Variants in PTPRU observed in about 807,000 individuals in gnomAD.
PTPRU encodes receptor-type tyrosine-protein phosphatase U.
In PTPRU, 69 loss-of-function variants were observed where a neutral mutation model predicts 166.3. The observed-to-expected ratio is 0.41, with a 90% CI of 0.34 to 0.51. The LOEUF (loss-of-function observed/expected upper bound fraction) is 0.51. Among genes scored for constraint, PTPRU ranks in the 20% least tolerant of loss-of-function variants. The pLI is 0.09. For missense variants in PTPRU, 1,657 were observed against 2,013.7 expected (o/e 0.82, Z 3.39); for synonymous variants, 793 against 814.0 (o/e 0.97, Z 0.44).
At position 29,280,717 on chromosome 1, in the gene PTPRU, A is replaced by G. The variant is rs940032286; in HGVS notation, c.1868+576A>G. 6.6e-6 allele frequency among the ~76,000 whole-genome samples: 1 copy of G among 151,690 alleles called. No homozygotes were observed. The highest frequency in any genetic ancestry group is 2.4e-5 in the African/African-American group (1 of 41,256). On this transcript the variant is annotated intron_variant, in intron 11 of 29. Coordinates refer to ENST00000373779, the MANE Select transcript of PTPRU (RefSeq NM_133178.4). The surrounding 1 kb of genome is among the most constrained non-coding windows in gnomAD (Gnocchi z 4.2). ...GAAACTGGGTGTGTCTTTGTGATAA[A>G]GACATGGGATGTGTGGTGTGAGTGT...
At chr1:29,298,783 A>G (rs1302223140) in intron 15 of PTPRU, among the ~76,000 whole-genome samples, 1 of 152,136 alleles carries the variant, frequency 6.6e-6, no homozygotes, top group Admixed American at 6.5e-5. Context: ...CTGGGTTTGA[A>G]TCCTAGTGCT....
At chr1:29,296,552 A>G (rs1574683407) in intron 15 of PTPRU, among the ~76,000 whole-genome samples, 1 of 143,622 alleles carries the variant, frequency 7.0e-6, no homozygotes, top group African/African-American at 2.6e-5. Context: ...CCTGTTGCCC[A>G]GGCTGGACTA....
intron 7 of PTPRU, 146 bp from the exon 8 acceptor site, chr1:29,275,302 G>A: frequency 1.2e-6 from 1 of 842,490 alleles, no homozygotes; most frequent in Non-Finnish European, 1.8e-6. Flanking sequence ...TTTACTCCCT[G>A]TTTGATGTTC....
At chr1:29,266,042 C>T (rs1267498596) in intron 7 of PTPRU, among the ~76,000 whole-genome samples, 9 of 63,826 alleles carry the variant, frequency 1.4e-4, no homozygotes, top group African/African-American at 2.8e-4. Flanking sequence ...TTTTTTGATA[C>T]GGAGTTTCAC....
At chr1:29,255,092 G>A (rs756892387) in intron 1 of PTPRU, among the ~76,000 whole-genome samples, 183 bp from the exon 2 acceptor site, 1 of 152,094 alleles carries the variant, frequency 6.6e-6, no homozygotes, top group African/African-American at 2.4e-5. Context: ...GGGGACCTTG[G>A]TAGAGGGAGA....
intron 1 of PTPRU, among the ~76,000 whole-genome samples, chr1:29,242,890 C>G (rs1311403338): frequency 6.6e-6 from 1 of 151,890 alleles, no homozygotes; most frequent in East Asian, 1.9e-4. Flanking sequence ...CCTGCCATCA[C>G]GCTCTCGGTT....
chr1:29,259,594 GCGGGGTGGGA>G lies in PTPRU; in HGVS notation c.675+31_675+40del. 4.5e-6 allele frequency: 7 copies of G among 1,540,120 alleles called. No homozygotes were observed. The Admixed American group carries it at 7.2e-5, about 16-fold the overall frequency. ...GCGGGAGCGGTGATCTTGGCTGGGGGCGGGGTGGGAGGGGGTTGGTGGCTGCTTCTGGCCC... is the reference window on the plus strand; with the variant it reads ...GCGGGAGCGGTGATCTTGGCTGGGGGGGGGGTTGGTGGCTGCTTCTGGCCC... On this transcript the variant is annotated intron_variant, in intron 5 of 29. Coordinates refer to ENST00000373779, the MANE Select transcript of PTPRU (RefSeq NM_133178.4).
At chr1:29,239,574 T>A (rs1438768088) in intron 1 of PTPRU, among the ~76,000 whole-genome samples, 2 of 152,144 alleles carry the variant, frequency 1.3e-5, no homozygotes, top group Non-Finnish European at 2.9e-5. Context: ...TCGTGCTTGA[T>A]GGAGACAGGC....
In PTPRU at chr1:29,275,431, C is replaced by G. The variant is rs550864741; in HGVS notation, c.1145-17C>G. On this transcript the variant is annotated splice_polypyrimidine_tract_variant and intron_variant, in intron 7 of 29. Coordinates refer to ENST00000373779, the MANE Select transcript of PTPRU (RefSeq NM_133178.4). The stretch of plus-strand genomic sequence containing the variant: ...CATTTCTTCTAACTTCTTCTCTCTG[C>G]TTCCTGCATTCTCCAGAGCCCATGA... 10 of 1,594,330 alleles carry G rather than the reference C, an allele frequency of 6.3e-6. No homozygotes were observed. In the African/African-American group the frequency reaches 1.3e-4, roughly 21 times the overall value.
At chr1:29,310,301 C>T (rs1023056075) in intron 18 of PTPRU, among the ~76,000 whole-genome samples, 7 of 152,078 alleles carry the variant, frequency 4.6e-5, no homozygotes, top group African/African-American at 1.4e-4. Context: ...CTGGTTATCC[C>T]AAGTGTGGGG....
intron 1 of PTPRU, among the ~76,000 whole-genome samples, chr1:29,243,187 G>A (rs993209733): frequency 6.6e-6 from 1 of 152,210 alleles, no homozygotes; most frequent in Admixed American, 6.5e-5. Flanking sequence ...ATGAGCCCCC[G>A]GGCCCGGCCC....
chr1:29,282,744 G>A lies in PTPRU; in HGVS notation c.1937G>A (p.Cys646Tyr). 1 of 1,613,952 alleles carries A rather than the reference G, an allele frequency of 6.2e-7. No homozygotes were observed. Among genetic ancestry groups the A allele is most frequent in the South Asian group, 1.1e-5 (1 of 91,074 alleles). Residue 646 changes from cysteine (C) to tyrosine (Y), a missense_variant, in exon 12 of 30, where the codon TGC (cysteine) becomes TAC (tyrosine). Around this residue, in one of 3 missense-constraint regions of PTPRU, gnomAD observed 1,190 missense variants for 1,477.4 expected, o/e 0.81. Transcript: ENST00000373779. Reference sequence around the variant, plus strand: ...CGGCGGGAGCCAGGTGGACAGGACTGCTTCCCAGTGCCATTGACCTTCGAG... The same window carrying A: ...CGGCGGGAGCCAGGTGGACAGGACTACTTCCCAGTGCCATTGACCTTCGAG... ...RLRREPGGQD[C>Y]FPVPLTFEAA... is the part of the protein sequence containing the mutation.
intron 1 of PTPRU, among the ~76,000 whole-genome samples, chr1:29,242,393 G>A (rs1052291665): frequency 1.3e-5 from 2 of 152,148 alleles, no homozygotes; most frequent in African/African-American, 4.8e-5. Flanking sequence ...AGAAGCCTTG[G>A]AAGGGGCCCC....
At position 29,315,236 on chromosome 1, in the gene PTPRU, C is replaced by T. The variant is rs774310081; in HGVS notation, c.3228-136C>T. The T allele has an allele frequency of 1.6e-5, 18 of 1,099,912 alleles. No homozygotes were observed. In the East Asian group the frequency reaches 2.0e-4, roughly 12 times the overall value. 68.1% of individuals were successfully genotyped at this position (1,099,912 alleles called of 1,614,324 possible). A position where few individuals can be genotyped will look rare whatever the true frequency, so the allele number is the denominator to read the frequency against. On this transcript the variant is annotated intron_variant, in intron 22 of 29. Coordinates refer to ENST00000373779, the MANE Select transcript of PTPRU (RefSeq NM_133178.4). This position sits in a 1 kb window ranked among gnomAD's most constrained non-coding sequence, Gnocchi z 4.5. ...GCAGCCTGCGTCCTGGCTCCTTACT[C>T]GGGGAGGGGCAGTCATCTCTGTGTC...
At position 29,303,927 on chromosome 1, in the gene PTPRU, G is replaced by A. The variant is rs200085066; in HGVS notation, c.2549G>A (p.Arg850Gln). Residue 850 changes from arginine (R) to glutamine (Q), a missense_variant, in exon 16 of 30, where the codon CGG becomes CAG. Physicochemically the swap from Arg to Gln is conservative, Grantham distance 43 (BLOSUM62 1). Coordinates refer to ENST00000373779, the MANE Select transcript of PTPRU (RefSeq NM_133178.4). Reference protein sequence around the residue: ...LGGSPRRPCGRKGSPYHTGQL... With the variant: ...LGGSPRRPCGQKGSPYHTGQL... ...GGCTCCCCGAGGCGTCCCTGTGGCC[G>A]GAAGGGCTCCCCATACCACACGGGG... The A allele has an allele frequency of 3.1e-5, 50 of 1,612,524 alleles. No homozygotes were observed. The highest frequency in any genetic ancestry group is 3.7e-5 in the Non-Finnish European group (44 of 1,178,426).
intron 1 of PTPRU, among the ~76,000 whole-genome samples, chr1:29,245,098 C>T (rs1332942123): frequency 6.6e-6 from 1 of 152,198 alleles, no homozygotes; most frequent in Non-Finnish European, 1.5e-5. Context: ...CTCTCTATCT[C>T]TCCTCTGTCC....
Position 29,260,209 on chromosome 1 carries a change from C to T in PTPRU, c.850+165C>T. On this transcript the variant is annotated intron_variant, in intron 6 of 29. Coordinates refer to ENST00000373779, the MANE Select transcript of PTPRU (RefSeq NM_133178.4). The surrounding 1 kb of genome is among the most constrained non-coding windows in gnomAD (Gnocchi z 8.3). ...CCTGTGGAAATGGCAGTGGCCCAGC[C>T]GGGATGAGATCTGATCTAGGGGTCG... 1 of 809,750 alleles carries T rather than the reference C, an allele frequency of 1.2e-6. No homozygotes were observed. Among genetic ancestry groups the T allele is most frequent in the Non-Finnish European group, 1.7e-6 (1 of 575,708 alleles). The allele number at this position is 809,750 out of a possible 1,614,324, so 50.2% of individuals were successfully genotyped here. A position where few individuals can be genotyped will look rare whatever the true frequency, so the allele number is the denominator to read the frequency against.
intron 15 of PTPRU, among the ~76,000 whole-genome samples, chr1:29,297,235 T>C (rs1456418879): frequency 6.6e-6 from 1 of 151,830 alleles, no homozygotes; most frequent in African/African-American, 2.4e-5. Context: ...TTGTATTTTT[T>C]GTAGAGACGG....
rs1269552144 is a variant in PTPRU, at chr1:29,315,310, C to T, written c.3228-62C>T. The T allele has an allele frequency of 6.2e-7, 1 of 1,602,134 alleles. No individual in the cohort carries two copies. ...ATGGCCAGTGCCCTCCTCTCTTCTT[C>T]TCCTTAGTCCCGGGCTTCCTCCCCA... On this transcript the variant is annotated intron_variant, in intron 22 of 29. Transcript: ENST00000373779. The surrounding 1 kb of genome is among the most constrained non-coding windows in gnomAD (Gnocchi z 4.5).
Sources: allele counts gnomAD v4.1 joint callset (sites outside exome capture counted in the v4.1 genomes callset), GRCh38; gene constraint gnomAD v4.1.1; regional missense constraint gnomAD v4.1.1; non-coding constraint Gnocchi (gnomAD v3.1); transcripts MANE v1.5; gene names NCBI Gene and HGNC (gene_info 2026-07-23, HGNC 2026-07-21).